Variants in ARHGAP26 observed in about 807,000 individuals in gnomAD.
ARHGAP26 encodes rho GTPase-activating protein 26.
Under a neutral mutation model 104.8 loss-of-function variants are expected in ARHGAP26, and 38 were observed. That is an observed-to-expected ratio of 0.36 (90% confidence interval 0.28 to 0.48). ARHGAP26 has a LOEUF of 0.48. ARHGAP26 is among the 20% of genes least tolerant of loss of function. The probability of loss-of-function intolerance (pLI) is 0.99; values close to 1 mark genes in which losing one functional copy is unlikely to be tolerated. For missense variants in ARHGAP26, 704 were observed against 947.9 expected, an observed-to-expected ratio of 0.74 and a Z score of 3.38; for synonymous variants, 341 against 340.0, an observed-to-expected ratio of 1.00 and a Z score of -0.03.
intron 11 of ARHGAP26, among the ~76,000 whole-genome samples, chr5:142,973,517 A>G (rs1772585500): frequency 6.6e-6 from 1 of 152,220 alleles, no homozygotes; most frequent in African/African-American, 2.4e-5. Flanking sequence ...AGAGAATTTT[A>G]ACCTTCCATT....
At chr5:143,094,838 A>G (rs1236513192) in intron 17 of ARHGAP26, among the ~76,000 whole-genome samples, 1 of 152,136 alleles carries the variant, frequency 6.6e-6, no homozygotes, top group African/African-American at 2.4e-5. Context: ...GTCAGGGTGG[A>G]GCAGGTAATG....
At chr5:143,114,424 TC>T (rs1409264241) in intron 17 of ARHGAP26, among the ~76,000 whole-genome samples, 4 of 152,014 alleles carry the variant, frequency 2.6e-5, no homozygotes, top group Admixed American at 2.6e-4. Flanking sequence ...CAGTGAGGAT[TC>T]CCCCCGCCAT....
chr5:142,823,615 A>C (rs938162179), intron 1 of ARHGAP26, among the ~76,000 whole-genome samples: 1 of 152,334 alleles, frequency 6.6e-6, no homozygotes, highest in African/African-American at 2.4e-5. Flanking sequence ...ACTATAAGAA[A>C]AAAAAAATCC....
chr5:143,099,620 T>C (rs1211892982), intron 17 of ARHGAP26, among the ~76,000 whole-genome samples: 1 of 152,256 alleles, frequency 6.6e-6, no homozygotes, highest in Non-Finnish European at 1.5e-5. Context: ...ATACCTCTTG[T>C]ATACTCACTC....
chr5:142,932,233 A>G, intron 11 of ARHGAP26, 108 bp downstream of exon 11: 1 of 967,462 alleles, frequency 1.0e-6, no homozygotes, highest in South Asian at 1.3e-5. Flanking sequence ...GGTTCTTGAA[A>G]CCAGTGTACC....
chr5:143,050,304 A>G (rs1388860306), intron 14 of ARHGAP26, among the ~76,000 whole-genome samples: 1 of 150,784 alleles, frequency 6.6e-6, no homozygotes, highest in East Asian at 1.9e-4. Context: ...CAAATTCAGC[A>G]TCACTGTTTT....
intron 11 of ARHGAP26, among the ~76,000 whole-genome samples, chr5:142,987,473 T>G (rs1774931735): frequency 6.6e-6 from 1 of 152,180 alleles, no homozygotes; most frequent in South Asian, 2.1e-4. Flanking sequence ...TTTTCCTAAT[T>G]CAATACCTTT....
chr5:142,858,555 G>A, intron 1 of ARHGAP26, among the ~76,000 whole-genome samples: 1 of 152,144 alleles, frequency 6.6e-6, no homozygotes, highest in East Asian at 1.9e-4. Context: ...TCTTCTGACC[G>A]AACTCTTAAA....
At chr5:142,957,251 T>C (rs1435991796) in intron 11 of ARHGAP26, among the ~76,000 whole-genome samples, 2 of 152,192 alleles carry the variant, frequency 1.3e-5, no homozygotes, top group African/African-American at 4.8e-5. Flanking sequence ...AAAGCCAAAC[T>C]TAAAGGCTAT....
At chr5:142,893,875 G>A (rs1391819990) in intron 5 of ARHGAP26, among the ~76,000 whole-genome samples, 1 of 148,856 alleles carries the variant, frequency 6.7e-6, no homozygotes, top group African/African-American at 2.5e-5. Flanking sequence ...TTGGCTATTT[G>A]TGTGTCTTCT....
At chr5:143,196,418 G>A (rs1161455520) in intron 20 of ARHGAP26, among the ~76,000 whole-genome samples, 1 of 152,126 alleles carries the variant, frequency 6.6e-6, no homozygotes, top group African/African-American at 2.4e-5. Flanking sequence ...TTGCATGGAG[G>A]GGAAATACAG....
chr5:143,206,593 G>A (rs764590508), intron 20 of ARHGAP26, among the ~76,000 whole-genome samples: 12 of 152,150 alleles, frequency 7.9e-5, no homozygotes, highest in African/African-American at 1.2e-4. Flanking sequence ...CAGAGGAACC[G>A]CATTCTGCTG....
chr5:143,172,417 C>A (rs775867482), intron 20 of ARHGAP26, among the ~76,000 whole-genome samples: 4 of 151,938 alleles, frequency 2.6e-5, no homozygotes, highest in Admixed American at 2.6e-4. Context: ...CTAGCAGCCA[C>A]GACAAAGAAG....
chr5:142,827,095 G>A (rs1767432386), intron 1 of ARHGAP26, among the ~76,000 whole-genome samples: 1 of 151,580 alleles, frequency 6.6e-6, no homozygotes, highest in South Asian at 2.1e-4. Context: ...TGGGGAAACT[G>A]AGCTTCTGTT....
At chr5:142,849,601 C>G (rs1395467762) in intron 1 of ARHGAP26, among the ~76,000 whole-genome samples, 2 of 152,154 alleles carry the variant, frequency 1.3e-5, no homozygotes, top group Non-Finnish European at 2.9e-5. Flanking sequence ...GCTTCTCCTC[C>G]CCAACCAGAA....
intron 12 of ARHGAP26, among the ~76,000 whole-genome samples, chr5:143,014,809 G>T (rs142041417): frequency 6.6e-6 from 1 of 152,268 alleles, no homozygotes; most frequent in Non-Finnish European, 1.5e-5. Flanking sequence ...TTGGTGTATA[G>T]GAGAAAAAAC....
At chr5:142,900,752 T>A (rs1760210184) in intron 6 of ARHGAP26, among the ~76,000 whole-genome samples, 1 of 152,128 alleles carries the variant, frequency 6.6e-6, no homozygotes, top group Non-Finnish European at 1.5e-5. Context: ...TAAGTAATGT[T>A]TAACAGGTTA....
At chr5:142,840,886 G>C (rs573062412) in intron 1 of ARHGAP26, among the ~76,000 whole-genome samples, 2 of 152,194 alleles carry the variant, frequency 1.3e-5, no homozygotes, top group South Asian at 2.1e-4. Context: ...TAGCGGTAAT[G>C]TAAGAACATA....
At chr5:143,114,825 A>G (rs754881505) in intron 17 of ARHGAP26, among the ~76,000 whole-genome samples, 31 of 152,268 alleles carry the variant, frequency 2.0e-4, no homozygotes, top group Non-Finnish European at 3.7e-4. Flanking sequence ...CTTAGAGGAA[A>G]AAGCTTGGTA....
Sources: gnomAD v4.1 joint callset for allele counts (sites outside exome capture counted in the v4.1 genomes callset) on GRCh38, gnomAD v4.1.1 for gene constraint, MANE v1.5 for transcripts, NCBI Gene and HGNC (gene_info 2026-07-23, HGNC 2026-07-21) for gene names.